ZRANB3: variants seen among roughly 807,000 people sequenced by gnomAD.
ZRANB3 encodes the protein zinc finger RANBP2-type containing 3.
ZRANB3 carries 125 observed loss-of-function variants against 133.8 expected under a neutral mutation model. The observed-to-expected ratio is 0.93, with a 90% CI of 0.81 to 1.08. The LOEUF is 1.08. Among genes scored for constraint, ZRANB3 ranks in the 50% least tolerant of loss-of-function variants. ZRANB3 has a pLI of 0.00. For synonymous variants in ZRANB3, 387 were observed against 432.7 expected (o/e 0.89, Z 1.31); for missense variants, 1,229 against 1,275.5 (o/e 0.96, Z 0.56).
rs140606898 is a variant in ZRANB3, at chr2:135,300,133, T to A, written c.966+13356A>T. Among the ~76,000 whole-genome samples the A allele has an allele frequency of 3.0e-3, 450 of 152,300 alleles. 2 individuals carry two copies. The highest frequency in any genetic ancestry group is 0.01 in the African/African-American group (419 of 41,566). ...AAGAATAGAGAAAGTATTCACTTCC[T>A]CAGTTTGACAAGAACAAGATTTCAT... On this transcript the variant is annotated intron_variant, in intron 8 of 20. Coordinates refer to ENST00000264159, the MANE Select transcript of ZRANB3 (RefSeq NM_032143.4).
In ZRANB3 at chr2:135,452,133, T is replaced by C. The variant is rs564441895; in HGVS notation, c.161+52196A>G. 2.2e-4 allele frequency among the ~76,000 whole-genome samples: 33 copies of C among 152,220 alleles called. No homozygotes were observed. The South Asian group carries it at 5.8e-3, about 27-fold the overall frequency. ...TGGCTGGGGAGGCAAAAGGCACTTC[T>C]TACATGGCAGAGGCAAAAGGAAAAT... On this transcript the variant is annotated intron_variant, in intron 2 of 20. Transcript: ENST00000264159.
At chr2:135,404,870 A>G (rs1398124413) in intron 2 of ZRANB3, among the ~76,000 whole-genome samples, 1 of 152,240 alleles carries the variant, frequency 6.6e-6, no homozygotes, top group African/African-American at 2.4e-5. Flanking sequence ...AAATCATGCC[A>G]AAATGTAAAG....
intron 12 of ZRANB3, among the ~76,000 whole-genome samples, chr2:135,231,679 T>G (rs1403454885): frequency 1.3e-5 from 2 of 151,954 alleles, no homozygotes. Context: ...TCCCAGCTAC[T>G]CGGGGAGCTG....
chr2:135,461,568 T>C (rs1332858241), intron 2 of ZRANB3, among the ~76,000 whole-genome samples: 1 of 152,040 alleles, frequency 6.6e-6, no homozygotes, highest in African/African-American at 2.4e-5. Flanking sequence ...CAAAACTCCA[T>C]CTTAAACAAA....
rs181429709 is a variant in ZRANB3 at position 135,486,470 on chromosome 2, T to C, written c.161+17859A>G. Among the ~76,000 whole-genome samples the C allele has an allele frequency of 3.3e-4, 50 of 152,238 alleles. No homozygotes were observed. The East Asian group carries it at 6.6e-3, about 20-fold the overall frequency. ...TCTTCAGGCTCTACTTCTAATTCTC[T>C]TGCTATTTCCACCACATCTGCAGTT... is the stretch of plus-strand genomic sequence containing the variant. On this transcript the variant is annotated intron_variant, in intron 2 of 20. Transcript: ENST00000264159.
chr2:135,455,974 T>C (rs1690501366), intron 2 of ZRANB3, among the ~76,000 whole-genome samples: 2 of 152,224 alleles, frequency 1.3e-5, no homozygotes, highest in African/African-American at 4.8e-5. Flanking sequence ...TCCACATCTC[T>C]AAAGGATTAA....
chr2:135,465,891 T>G (rs932328161), intron 2 of ZRANB3, among the ~76,000 whole-genome samples: 31 of 152,110 alleles, frequency 2.0e-4, no homozygotes, highest in African/African-American at 7.5e-4. Flanking sequence ...AAGAAGACAT[T>G]TATGCGACCA....
chr2:135,395,646 C>T (rs1440798513), intron 2 of ZRANB3, among the ~76,000 whole-genome samples: 2 of 151,830 alleles, frequency 1.3e-5, no homozygotes, highest in Admixed American at 6.6e-5. Flanking sequence ...CTAGTTGAGA[C>T]GGGGTTTCAC....
chr2:135,326,175 C>T (rs923320450), intron 6 of ZRANB3, among the ~76,000 whole-genome samples: 1 of 151,986 alleles, frequency 6.6e-6, no homozygotes, highest in African/African-American at 2.4e-5. Context: ...GAAATTTCAA[C>T]CTTTACTTCA....
intron 2 of ZRANB3, among the ~76,000 whole-genome samples, chr2:135,415,511 C>T (rs1345389014): frequency 3.3e-5 from 5 of 152,012 alleles, no homozygotes; most frequent in East Asian, 3.8e-4. Flanking sequence ...GATTCACAGC[C>T]GAATTCTACC....
chr2:135,378,909 A>T (rs1686554460), intron 3 of ZRANB3, among the ~76,000 whole-genome samples: 1 of 152,200 alleles, frequency 6.6e-6, no homozygotes, highest in South Asian at 2.1e-4. Flanking sequence ...GCCTAAAGAG[A>T]CATTGCTAAT....
At chr2:135,427,384 T>C (rs930783938) in intron 2 of ZRANB3, among the ~76,000 whole-genome samples, 2 of 152,106 alleles carry the variant, frequency 1.3e-5, no homozygotes, top group African/African-American at 4.8e-5. Flanking sequence ...ACAAAATCAA[T>C]GTACAAAAAT....
At chr2:135,466,054 C>T (rs116510703) in intron 2 of ZRANB3, among the ~76,000 whole-genome samples, 1,572 of 152,222 alleles carry the variant, frequency 0.01, 25 homozygotes, top group African/African-American at 0.036. Context: ...TAAGGACTCA[C>T]TAAAATAATA....
chr2:135,480,358 T>C (rs919180075), intron 2 of ZRANB3, among the ~76,000 whole-genome samples: 3 of 152,164 alleles, frequency 2.0e-5, no homozygotes, highest in African/African-American at 7.2e-5. Context: ...CAGGTATTTT[T>C]TGAAGAAAAT....
intron 6 of ZRANB3, among the ~76,000 whole-genome samples, chr2:135,323,697 A>G (rs1683654177): frequency 6.6e-6 from 1 of 151,782 alleles, no homozygotes; most frequent in Admixed American, 6.6e-5. Context: ...TGAGTTAAAA[A>G]CTCTCAAATA....
chr2:135,343,126 C>T (rs1481592491), intron 6 of ZRANB3, among the ~76,000 whole-genome samples: 4 of 131,504 alleles, frequency 3.0e-5, no homozygotes, highest in Admixed American at 1.6e-4. Context: ...GCAGAGGTTG[C>T]GGTGAGCCGT....
intron 12 of ZRANB3, among the ~76,000 whole-genome samples, chr2:135,259,619 T>C (rs981480604): frequency 6.6e-6 from 1 of 152,192 alleles, no homozygotes; most frequent in Middle Eastern, 3.4e-3. Context: ...GGTTTCTCCA[T>C]ATTGGTCAGG....
chr2:135,361,323 TACATAAGAATTA>T (rs1685685741), intron 3 of ZRANB3, among the ~76,000 whole-genome samples: 1 of 152,226 alleles, frequency 6.6e-6, no homozygotes, highest in African/African-American at 2.4e-5. Context: ...TCCAGGTAGC[TACATAAGAATTA>T]AATAGAATAC....
rs1693472761 is a variant in ZRANB3 at position 135,197,963 on chromosome 2, G to GC, written c.*2378dup. 6.6e-6 allele frequency: 1 copy of GC among 152,422 alleles called. No individual in the cohort carries two copies. Among genetic ancestry groups the GC allele is most frequent in the African/African-American group, 2.4e-5 (1 of 41,426 alleles). The allele number at this position is 152,422 out of a possible 1,614,324, so 9.4% of individuals were successfully genotyped here. A position where few individuals can be genotyped will look rare whatever the true frequency, so the allele number is the denominator to read the frequency against. ...GCAAGTGCCATCATACCTGGCCAGA[G>GC]CCCTTTTTTGTTGTTGTTTTCTTAG... On this transcript the variant is annotated 3_prime_UTR_variant, in exon 21 of 21. Transcript: ENST00000264159.
Sources: allele counts gnomAD v4.1 joint callset (sites outside exome capture counted in the v4.1 genomes callset), GRCh38; gene constraint gnomAD v4.1.1; transcripts MANE v1.5; gene names NCBI Gene and HGNC (gene_info 2026-07-23, HGNC 2026-07-21).